The following DIS3L2 variants were observed in gnomAD, a reference collection of about 807,000 sequenced individuals.
The protein encoded by DIS3L2 is DIS3 like 3'-5' exoribonuclease 2.
Under a neutral mutation model 97.5 loss-of-function variants are expected in DIS3L2, and 34 were observed. The observed-to-expected ratio is 0.35, with a 90% CI of 0.27 to 0.46. The LOEUF (loss-of-function observed/expected upper bound fraction) is 0.46, where lower values mean the gene tolerates loss of function less well. Among genes scored for constraint, DIS3L2 ranks in the 20% least tolerant of loss-of-function variants. The pLI is 1.00. For synonymous variants in DIS3L2, 435 were observed against 445.2 expected (o/e 0.98, Z 0.29); for missense variants, 1,038 against 1,146.0 (o/e 0.91, Z 1.36).
chr2:232,132,979 G>C (rs943768391), intron 7 of DIS3L2, among the ~76,000 whole-genome samples: 1 of 152,128 alleles, frequency 6.6e-6, no homozygotes, highest in Admixed American at 6.5e-5. Flanking sequence ...ACAGGCAAGA[G>C]AATTTTGCTT....
At chr2:232,174,042 A>G (rs1009637046) in intron 9 of DIS3L2, among the ~76,000 whole-genome samples, 2 of 152,258 alleles carry the variant, frequency 1.3e-5, no homozygotes, top group Admixed American at 6.5e-5. Context: ...CCATCTTAAC[A>G]CTGTTAAGTC....
chr2:232,023,333 T>TCAAG (rs745494370), intron 3 of DIS3L2, among the ~76,000 whole-genome samples: 1,716 of 152,362 alleles, frequency 0.011, 19 homozygotes, highest in Non-Finnish European at 0.016. Context: ...ATTTGTAATT[T>TCAAG]AAACATGGTA....
At chr2:232,211,696 T>C (rs1012845249) in intron 10 of DIS3L2, among the ~76,000 whole-genome samples, 2 of 152,186 alleles carry the variant, frequency 1.3e-5, no homozygotes, top group African/African-American at 4.8e-5. Flanking sequence ...TATTTCCCAC[T>C]GACACAGAAC....
chr2:232,248,161 C>T (rs939762782), intron 11 of DIS3L2, among the ~76,000 whole-genome samples: 8 of 152,074 alleles, frequency 5.3e-5, no homozygotes, highest in African/African-American at 1.4e-4. Context: ...AATAAGAAGC[C>T]GCTGGGGTTT....
intron 5 of DIS3L2, among the ~76,000 whole-genome samples, chr2:232,078,920 T>G (rs1469421861): frequency 3.3e-5 from 5 of 152,198 alleles, no homozygotes; most frequent in African/African-American, 9.6e-5. Flanking sequence ...GATTTTGGAT[T>G]ATAGAAAATT....
chr2:232,019,218 G>T (rs1384172615), intron 3 of DIS3L2, among the ~76,000 whole-genome samples: 1 of 152,176 alleles, frequency 6.6e-6, no homozygotes, highest in Non-Finnish European at 1.5e-5. Context: ...GAAGATAGAG[G>T]TCAGGATGAA....
At chr2:232,323,540 C>T (rs748801888) in intron 14 of DIS3L2, among the ~76,000 whole-genome samples, 2 of 152,204 alleles carry the variant, frequency 1.3e-5, no homozygotes, top group Non-Finnish European at 2.9e-5. Flanking sequence ...TGGACTGAGC[C>T]TCCCAGCCTA....
chr2:232,338,755 A>AG (rs1329186356), downstream of DIS3L2, among the ~76,000 whole-genome samples: 2 of 152,250 alleles, frequency 1.3e-5, no homozygotes, highest in African/African-American at 4.8e-5. Context: ...GCGCATTCAC[A>AG]GGATGGCTCT....
At chr2:232,103,326 T>C (rs1697258889) in intron 6 of DIS3L2, among the ~76,000 whole-genome samples, 1 of 152,174 alleles carries the variant, frequency 6.6e-6, no homozygotes, top group South Asian at 2.1e-4. Context: ...ATGGGAATGC[T>C]TCCAATATTA....
chr2:232,242,352 C>T (rs536967135), intron 11 of DIS3L2, among the ~76,000 whole-genome samples: 5 of 152,170 alleles, frequency 3.3e-5, no homozygotes, highest in Admixed American at 1.3e-4. Context: ...CACTGAAGGC[C>T]TGAGGGAGTG....
At chr2:232,161,004 G>A (rs538988372) in intron 8 of DIS3L2, among the ~76,000 whole-genome samples, 3 of 152,052 alleles carry the variant, frequency 2.0e-5, no homozygotes, top group East Asian at 3.9e-4. Flanking sequence ...CGCAACCTCC[G>A]CCTCCCGGGT....
At chr2:232,172,754 G>A (rs779307869) in intron 9 of DIS3L2, 2 of 534,506 alleles carry the variant, frequency 3.7e-6, no homozygotes, top group Admixed American at 3.9e-5. Flanking sequence ...CAATGTATGA[G>A]GGTCTCAGTT....
At chr2:232,112,607 A>C (rs1697571626) in intron 6 of DIS3L2, among the ~76,000 whole-genome samples, 1 of 152,062 alleles carries the variant, frequency 6.6e-6, no homozygotes. Context: ...AAACCAACAC[A>C]TTGACTGGCC....
intron 3 of DIS3L2, 33 bp downstream of exon 3, chr2:232,015,704 A>G: frequency 1.9e-6 from 3 of 1,608,102 alleles, no homozygotes; most frequent in Non-Finnish European, 2.5e-6. Context: ...CTATTCTCTG[A>G]ATATGTAGAA....
At chr2:232,302,731 T>C (rs968821258) in intron 14 of DIS3L2, among the ~76,000 whole-genome samples, 2 of 151,904 alleles carry the variant, frequency 1.3e-5, no homozygotes, top group African/African-American at 2.4e-5. Flanking sequence ...TAGCTAAATT[T>C]TGTATTTTTA....
In DIS3L2 at chr2:232,330,736, G is replaced by T. The variant is rs757443947; in HGVS notation, c.1970G>T (p.Arg657Leu). The T allele has an allele frequency of 6.2e-7, 1 of 1,613,418 alleles. No homozygotes were observed. Among genetic ancestry groups the T allele is most frequent in the South Asian group, 1.1e-5 (1 of 91,088 alleles). The change falls in exon 16 of 21, where the codon CGC becomes CTC. Residue 657 changes from arginine (R) to leucine (L), a missense_variant. Transcript: ENST00000325385. ...GGAGATGACAAGTACTCACTGGCCC[G>T]CAAGGAGGTGCTCACCAACATGTGC... ...TFGDDKYSLA[R>L]KEVLTNMCSR...
At chr2:232,215,358 A>T (rs1217832133) in intron 10 of DIS3L2, among the ~76,000 whole-genome samples, 2 of 152,184 alleles carry the variant, frequency 1.3e-5, no homozygotes, top group African/African-American at 4.8e-5. Flanking sequence ...CTGACTCAAA[A>T]AAAGAAGGGT....
chr2:231,976,610 C>G (rs1358187215), intron 1 of DIS3L2, among the ~76,000 whole-genome samples: 1 of 145,856 alleles, frequency 6.9e-6, no homozygotes, highest in Non-Finnish European at 1.5e-5. Context: ...GCCTGGGTAA[C>G]AAAGCGAGAC....
At position 232,336,792 on chromosome 2, in the gene DIS3L2, CA is replaced by C; in HGVS notation, c.*163del. 2.1e-6 allele frequency: 3 copies of C among 1,447,666 alleles called. No homozygotes were observed. Among genetic ancestry groups the C allele is most frequent in the Non-Finnish European group, 1.8e-6 (2 of 1,108,352 alleles). The allele number at this position is 1,447,666 out of a possible 1,614,324, so 89.7% of individuals were successfully genotyped here. ...TGCAGCTCAACTTTTAAACAAACTG[CA>C]GGGGAGAGGGTGGGGCTGGAAGGAA... On this transcript the variant is annotated 3_prime_UTR_variant, in exon 21 of 21. Transcript: ENST00000325385.
Sources: gnomAD v4.1 joint callset for allele counts (sites outside exome capture counted in the v4.1 genomes callset) on GRCh38, gnomAD v4.1.1 for gene constraint, MANE v1.5 for transcripts, NCBI Gene and HGNC (gene_info 2026-07-23, HGNC 2026-07-21) for gene names.